Variants in N4BP1 observed in about 807,000 individuals in gnomAD.
The protein encoded by N4BP1 is NEDD4 binding protein 1, also known as NEDD4-binding protein 1.
A neutral mutation model predicts 70.9 loss-of-function variants in N4BP1; 21 were observed. The observed-to-expected ratio is 0.30, with a 90% confidence interval of 0.21 to 0.43. N4BP1 has a LOEUF of 0.43. Ranked by LOEUF, N4BP1 falls within the 20% of genes least tolerant of loss-of-function variation. N4BP1 has a pLI of 1.00. For missense variants in N4BP1, 936 were observed against 1,069.4 expected (o/e 0.88, Z 1.74); for synonymous variants, 387 against 394.6 (o/e 0.98, Z 0.23).
intron 3 of N4BP1, among the ~76,000 whole-genome samples, chr16:48,553,029 G>C (rs996009728): frequency 6.6e-6 from 1 of 152,100 alleles, no homozygotes; most frequent in Non-Finnish European, 1.5e-5. Context: ...TTCCTATCAT[G>C]ACCTATGACA....
chr16:48,600,915 T>G (rs1028621108), intron 1 of N4BP1, among the ~76,000 whole-genome samples: 3 of 152,196 alleles, frequency 2.0e-5, no homozygotes, highest in African/African-American at 4.8e-5. Context: ...TTATGCCAAT[T>G]GGATAATGGC....
chr16:48,553,181 CG>C (rs1444109389), intron 3 of N4BP1, among the ~76,000 whole-genome samples: 4 of 152,094 alleles, frequency 2.6e-5, no homozygotes, highest in Admixed American at 1.3e-4. Flanking sequence ...GTTAAAAAGA[CG>C]TAACTTGAAG....
At chr16:48,606,800 A>C (rs1964588694) in intron 1 of N4BP1, among the ~76,000 whole-genome samples, 1 of 152,234 alleles carries the variant, frequency 6.6e-6, no homozygotes, top group Non-Finnish European at 1.5e-5. Flanking sequence ...GTGGGACACA[A>C]GACAGTTCAT....
intron 1 of N4BP1, among the ~76,000 whole-genome samples, chr16:48,609,072 G>C (rs942589476): frequency 1.3e-5 from 2 of 150,926 alleles, no homozygotes; most frequent in African/African-American, 4.9e-5. Context: ...AAAATGAGCC[G>C]GGCGTGGTGG....
intron 1 of N4BP1, among the ~76,000 whole-genome samples, chr16:48,576,593 C>T (rs1438631380): frequency 6.6e-6 from 1 of 152,224 alleles, no homozygotes; most frequent in Non-Finnish European, 1.5e-5. Flanking sequence ...AATCTCATGT[C>T]TGTTGTCATT....
At chr16:48,608,353 C>T (rs561340310) in intron 1 of N4BP1, among the ~76,000 whole-genome samples, 23 of 152,306 alleles carry the variant, frequency 1.5e-4, no homozygotes, top group Non-Finnish European at 2.6e-4. Flanking sequence ...AGTGCCCCGT[C>T]TCCTTTAAGG....
chr16:48,569,690 C>G (rs1325025729), intron 1 of N4BP1, among the ~76,000 whole-genome samples: 1 of 152,166 alleles, frequency 6.6e-6, no homozygotes, highest in Non-Finnish European at 1.5e-5. Flanking sequence ...GCCACCATGC[C>G]TGGCCTGCAA....
intron 1 of N4BP1, among the ~76,000 whole-genome samples, chr16:48,583,221 T>C (rs1236050489): frequency 1.3e-5 from 2 of 151,970 alleles, no homozygotes; most frequent in Non-Finnish European, 1.5e-5. Context: ...GGAATGCTTA[T>C]CAGCCATAAA....
At chr16:48,564,534 TTCA>T (rs1371170086) in intron 1 of N4BP1, among the ~76,000 whole-genome samples, 1 of 152,214 alleles carries the variant, frequency 6.6e-6, no homozygotes, top group African/African-American at 2.4e-5. Context: ...AATCTATCCC[TTCA>T]TCAAGACCAC....
chr16:48,580,350 C>T (rs921148435), intron 1 of N4BP1, among the ~76,000 whole-genome samples: 2 of 152,008 alleles, frequency 1.3e-5, no homozygotes, highest in African/African-American at 4.8e-5. Context: ...GGATAAATTC[C>T]TTGACACATA....
intron 1 of N4BP1, chr16:48,600,338 T>G (rs766606947): frequency 5.5e-6 from 5 of 910,000 alleles, no homozygotes; most frequent in Non-Finnish European, 7.2e-6. Context: ...GGAAAGCAGG[T>G]GGCAAAGAGC....
chr16:48,553,453 G>A, intron 3 of N4BP1, 86 bp downstream of exon 3: 1 of 1,339,570 alleles, frequency 7.5e-7, no homozygotes, highest in Non-Finnish European at 9.8e-7. Context: ...ATGGCACACA[G>A]CTCTATTCTA....
chr16:48,553,546 A>T lies in N4BP1; in HGVS notation c.2013T>A (p.Asn671Lys). The T allele has an allele frequency of 6.4e-7, 1 of 1,555,890 alleles. No individual in the cohort carries two copies. The highest frequency in any genetic ancestry group is 1.3e-5 in the South Asian group (1 of 79,222). Reference protein sequence around the residue: ...VPQWRTRRDPNVTEQHFLTQL... With the variant: ...VPQWRTRRDPKVTEQHFLTQL... ...AAAATCAGTTTGCCTCACCTGTGAC[A>T]TTAGGATCACGCCTTGTTCTCCACT... Residue 671 changes from asparagine to lysine, a missense_variant, in exon 3 of 7, where the codon AAT (asparagine) becomes AAA (lysine). This residue lies in a region of N4BP1 where 229 missense variants were observed against 343.5 expected (regional missense o/e 0.67). Coordinates refer to ENST00000262384, the MANE Select transcript of N4BP1 (RefSeq NM_153029.4).
At chr16:48,589,330 A>T (rs1486602317) in intron 1 of N4BP1, among the ~76,000 whole-genome samples, 1 of 152,160 alleles carries the variant, frequency 6.6e-6, no homozygotes, top group Admixed American at 6.5e-5. Flanking sequence ...CCCTACTTCC[A>T]ACCTCTCGGG....
At chr16:48,550,416 G>A (rs1172219015) in intron 4 of N4BP1, among the ~76,000 whole-genome samples, 2 of 152,118 alleles carry the variant, frequency 1.3e-5, no homozygotes, top group East Asian at 1.9e-4. Flanking sequence ...TTGGGAAGCT[G>A]AGACAGGAGA....
At chr16:48,545,496 T>C (rs1398661030) in intron 6 of N4BP1, among the ~76,000 whole-genome samples, 2 of 150,506 alleles carry the variant, frequency 1.3e-5, no homozygotes, top group African/African-American at 4.9e-5. Flanking sequence ...GAGAATTACT[T>C]GAACCTGGGA....
At chr16:48,564,774 T>C (rs1468451052) in intron 1 of N4BP1, among the ~76,000 whole-genome samples, 1 of 152,240 alleles carries the variant, frequency 6.6e-6, no homozygotes, top group Non-Finnish European at 1.5e-5. Flanking sequence ...AACTGACATC[T>C]GCTGAGTCTC....
Position 48,561,819 on chromosome 16 carries a change from G to A in N4BP1, c.824C>T (p.Ala275Val). Residue 275 changes from alanine (A) to valine (V), a missense_variant, in exon 2 of 7, where the codon GCA becomes GTA. Ala to Val is a moderately conservative substitution (Grantham distance 64). Around this residue, in one of 4 missense-constraint regions of N4BP1, gnomAD observed 515 missense variants for 491.7 expected, o/e 1.05. Coordinates refer to ENST00000262384, the MANE Select transcript of N4BP1 (RefSeq NM_153029.4). ...PINGLTPDEE[A>V]LSNERICQKR... The stretch of plus-strand genomic sequence containing the variant: ...CTGACAAATTCTCTCATTGGAAAGT[G>A]CCTCTTCATCTGGGGTTAGACCATT... 1 of 1,613,676 alleles carries A rather than the reference G, an allele frequency of 6.2e-7. No individual in the cohort carries two copies. The highest frequency in any genetic ancestry group is 2.2e-5 in the East Asian group (1 of 44,862).
Position 48,545,799 on chromosome 16 carries a change from G to A in N4BP1, c.2333+348C>T, listed in dbSNP as rs528841450. On this transcript the variant is annotated intron_variant, in intron 6 of 6. Coordinates refer to ENST00000262384, the MANE Select transcript of N4BP1 (RefSeq NM_153029.4). ...CCAACACTTTGGGAGGCTGAGGAAGGCGGATTCCTTGAGCTCAGGAGTTTC... is the reference window on the plus strand; with the variant it reads ...CCAACACTTTGGGAGGCTGAGGAAGACGGATTCCTTGAGCTCAGGAGTTTC... 1.8e-3 allele frequency among the ~76,000 whole-genome samples: 277 copies of A among 152,158 alleles called. 1 individual carries two copies. The highest frequency in any genetic ancestry group is 6.0e-3 in the African/African-American group (247 of 41,508).
Sources: gnomAD v4.1 joint callset for allele counts (sites outside exome capture counted in the v4.1 genomes callset) on GRCh38, gnomAD v4.1.1 for gene constraint, gnomAD v4.1.1 regional missense constraint, MANE v1.5 for transcripts, NCBI Gene and HGNC (gene_info 2026-07-23, HGNC 2026-07-21) for gene names.